SEMA4C: variants seen among roughly 807,000 people sequenced by gnomAD.
SEMA4C encodes semaphorin 4C.
A neutral mutation model predicts 89.0 loss-of-function variants in SEMA4C; 19 were observed. The observed-to-expected ratio is 0.21, with a 90% CI of 0.15 to 0.31. The LOEUF is 0.31. SEMA4C is among the 10% of genes least tolerant of loss of function. SEMA4C has a pLI of 1.00. For missense variants in SEMA4C, 811 were observed against 1,107.0 expected (o/e 0.73, Z 3.79); for synonymous variants, 428 against 472.7 (o/e 0.91, Z 1.23).
chr2:96,864,447 G>A lies in SEMA4C; in HGVS notation c.963-65C>T. 6.3e-7 allele frequency: 1 copy of A among 1,595,898 alleles called. No homozygotes were observed. Among genetic ancestry groups the A allele is most frequent in the Non-Finnish European group, 8.5e-7 (1 of 1,173,446 alleles). On this transcript the variant is annotated intron_variant, in intron 9 of 14. Transcript: ENST00000305476. The surrounding 1 kb of genome is among the most constrained non-coding windows in gnomAD (Gnocchi z 6.3). Reference sequence around the variant, plus strand: ...TTATCTCTTCCCACCCCAGCTAAGGGCAAGCAGCAGGAAGGCAGGGCCTGG... The same window carrying A: ...TTATCTCTTCCCACCCCAGCTAAGGACAAGCAGCAGGAAGGCAGGGCCTGG...
rs147678977 is a variant in SEMA4C at position 96,865,039 on chromosome 2, G to A, written c.711C>T (p.Phe237=). The change falls in exon 8 of 15, where the codon TTC becomes TTT. Residue 237 remains phenylalanine (F), a synonymous_variant. Transcript: ENST00000305476. ...SFTGDDDKVY[F]FFRERAVESD... is the part of the protein sequence containing the mutation. The stretch of plus-strand genomic sequence containing the variant: ...ACTCCACTGCCCGCTCCCTGAAGAA[G>A]AAGTAGACCTTGTCGTCGTCCCCCG... 7.5e-5 allele frequency: 117 copies of A among 1,557,306 alleles called. 1 individual carries two copies. In the South Asian group the frequency reaches 1.0e-3, roughly 13 times the overall value.
At position 96,865,763 on chromosome 2, in the gene SEMA4C, G is replaced by A; in HGVS notation, c.323C>T (p.Thr108Ile). The stretch of plus-strand genomic sequence containing the variant: ...GAAGCGGATGAAGTTGAAGCACTCG[G>A]TCTGGGGGCAGAAAGGTGTCCGGTT... ...ECIQKGKNNQTECFNFIRFLQ... is the reference protein window; with the variant it reads ...ECIQKGKNNQIECFNFIRFLQ... The change falls in exon 5 of 15, where the codon ACC becomes ATC. Residue 108 changes from threonine to isoleucine, a missense_variant and splice_region_variant. This residue lies in a region of SEMA4C where 119 missense variants were observed against 152.7 expected (regional missense o/e 0.78). Transcript: ENST00000305476. The A allele has an allele frequency of 1.2e-6, 2 of 1,614,162 alleles. No homozygotes were observed. The highest frequency in any genetic ancestry group is 1.7e-6 in the Non-Finnish European group (2 of 1,180,000).
At position 96,860,713 on chromosome 2, in the gene SEMA4C, G is replaced by C. The variant is rs1339589016; in HGVS notation, c.2415C>G (p.Pro805=). 12 of 1,613,628 alleles carry C rather than the reference G, an allele frequency of 7.4e-6. No individual in the cohort carries two copies. The highest frequency in any genetic ancestry group is 1.0e-5 in the Non-Finnish European group (12 of 1,179,998). Residue 805 remains proline (P), a synonymous_variant, in exon 15 of 15, where the codon CCC becomes CCG. Coordinates refer to ENST00000305476, the MANE Select transcript of SEMA4C (RefSeq NM_017789.5). ...TCAGTTCATCCGCGAGCTCAGGCAG[G>C]GGGTGCCCGAGCCCTCCCCGGTCCT... is the stretch of plus-strand genomic sequence containing the variant. ...GGEDRGGLGH[P]LPELADELRR...
chr2:96,866,396 C>G lies in SEMA4C; in HGVS notation c.145G>C (p.Gly49Arg), dbSNP rs771206886. 6.2e-7 allele frequency: 1 copy of G among 1,613,930 alleles called. No homozygotes were observed. The highest frequency in any genetic ancestry group is 8.5e-7 in the Non-Finnish European group (1 of 1,180,044). Residue 49 changes from glycine to arginine, a missense_variant, in exon 3 of 15, where the codon GGC (glycine) becomes CGC (arginine). Around this residue, in one of 4 missense-constraint regions of SEMA4C, gnomAD observed 119 missense variants for 152.7 expected, o/e 0.78. Coordinates refer to ENST00000305476, the MANE Select transcript of SEMA4C (RefSeq NM_017789.5). Reference sequence around the variant, plus strand: ...GTCAGTGTCAGGAAGTCCTGGATGCCGGTCTGGGAGAACCGCCGTACTACC... The same window carrying G: ...GTCAGTGTCAGGAAGTCCTGGATGCGGGTCTGGGAGAACCGCCGTACTACC... ...ATVVRRFSQTGIQDFLTLTLT... is the reference protein window; with the variant it reads ...ATVVRRFSQTRIQDFLTLTLT...
Position 96,865,773 on chromosome 2 carries a change from A to G in SEMA4C, c.322-9T>C. ...AAGTTGAAGCACTCGGTCTGGGGGC[A>G]GAAAGGTGTCCGGTTAGTGAGAGCG... On this transcript the variant is annotated splice_polypyrimidine_tract_variant and intron_variant, in intron 4 of 14. Transcript: ENST00000305476. 1 of 1,614,104 alleles carries G rather than the reference A, an allele frequency of 6.2e-7. No individual in the cohort carries two copies. The highest frequency in any genetic ancestry group is 1.1e-5 in the South Asian group (1 of 91,078).
chr2:96,863,484 G>A lies in SEMA4C; in HGVS notation c.1443+198C>T, dbSNP rs948184646. 5 of 909,564 alleles carry A rather than the reference G, an allele frequency of 5.5e-6. No homozygotes were observed. In the African/African-American group the frequency reaches 9.0e-5, roughly 16 times the overall value. The allele number at this position is 909,564 out of a possible 1,614,324, so 56.3% of individuals were successfully genotyped here. On this transcript the variant is annotated intron_variant, in intron 12 of 14. Transcript: ENST00000305476. ...ACCTGGCTATATATAATGGCCCTGT[G>A]CAGTGCAGATTCCATTCTGTTTTCA...
At position 96,860,998 on chromosome 2, in the gene SEMA4C, C is replaced by T. The variant is rs1416386265; in HGVS notation, c.2130G>A (p.Glu710=). ...GGGGACTGGTGGGCTCCTTGGGCAGCTCCAGGGGGTACACCAAGGTCCTCT... is the reference window on the plus strand; with the variant it reads ...GGGGACTGGTGGGCTCCTTGGGCAGTTCCAGGGGGTACACCAAGGTCCTCT... ...ATERTLVYPL[E]LPKEPTSPPF... Residue 710 remains glutamate, a synonymous_variant, in exon 15 of 15, where the codon GAG becomes GAA. Coordinates refer to ENST00000305476, the MANE Select transcript of SEMA4C (RefSeq NM_017789.5). 1.2e-6 allele frequency: 2 copies of T among 1,612,788 alleles called. No individual in the cohort carries two copies. Among genetic ancestry groups the T allele is most frequent in the Non-Finnish European group, 1.7e-6 (2 of 1,180,004 alleles).
chr2:96,868,209 A>G (rs754583548), intron 1 of SEMA4C, among the ~76,000 whole-genome samples: 18 of 152,232 alleles, frequency 1.2e-4, no homozygotes, highest in Non-Finnish European at 1.2e-4. Flanking sequence ...GCAACAGGAA[A>G]TCATTTGAGA....
Position 96,864,631 on chromosome 2 carries a change from G to T in SEMA4C, c.962+74C>A. 6.6e-7 allele frequency: 1 copy of T among 1,519,014 alleles called. No individual in the cohort carries two copies. The allele number at this position is 1,519,014 out of a possible 1,614,324, so 94.1% of individuals were successfully genotyped here. A position where few individuals can be genotyped will look rare whatever the true frequency, so the allele number is the denominator to read the frequency against. On this transcript the variant is annotated intron_variant, in intron 9 of 14. Coordinates refer to ENST00000305476, the MANE Select transcript of SEMA4C (RefSeq NM_017789.5). This position sits in a 1 kb window ranked among gnomAD's most constrained non-coding sequence, Gnocchi z 6.3. Reference sequence around the variant, plus strand: ...GGGACTGCCTCTGAGGCCTGGTCCAGGCTCCCACCCATGCACCGTCCCTGA... The same window carrying T: ...GGGACTGCCTCTGAGGCCTGGTCCATGCTCCCACCCATGCACCGTCCCTGA...
At chr2:96,870,174 G>A (rs1293539795), upstream of SEMA4C, 9 of 984,138 alleles carry the variant, frequency 9.1e-6, no homozygotes, top group East Asian at 8.0e-4. Flanking sequence ...TCGCTCAGGA[G>A]GGGGCTGCGA....
At position 96,865,259 on chromosome 2, in the gene SEMA4C, A is replaced by G; in HGVS notation, c.579T>C (p.Arg193=). ...TCATGGAGTGGTGGGGCCCCATGTT[A>G]CGCAGGATAATGGGTTCCGTGCCCA... is the stretch of plus-strand genomic sequence containing the variant. The part of the protein sequence containing the change: ...NFLGTEPIIL[R]NMGPHHSMKT... Residue 193 remains arginine (R), a synonymous_variant, in exon 7 of 15, where the codon CGT becomes CGC. Transcript: ENST00000305476. The G allele has an allele frequency of 6.2e-7, 1 of 1,614,152 alleles. No homozygotes were observed. Among genetic ancestry groups the G allele is most frequent in the Non-Finnish European group, 8.5e-7 (1 of 1,179,996 alleles).
Position 96,867,777 on chromosome 2 carries a change from C to T in SEMA4C, c.109+1G>A, listed in dbSNP as rs2080114549. The T allele has an allele frequency of 6.2e-7, 1 of 1,613,160 alleles. No homozygotes were observed. The highest frequency in any genetic ancestry group is 1.3e-5 in the African/African-American group (1 of 74,928). ...TCCTCCTCACCCCTCCAGGCACTCA[C>T]CCCCAGAAGACACTGTCTTACGCGG... On this transcript the variant is annotated splice_donor_variant, in intron 2 of 14. Coordinates refer to ENST00000305476, the MANE Select transcript of SEMA4C (RefSeq NM_017789.5). LOFTEE classifies it high-confidence loss of function.
In SEMA4C at chr2:96,869,943, C is replaced by A. The variant is rs2080169403; in HGVS notation, c.-105G>T. On this transcript the variant is annotated 5_prime_UTR_variant, in exon 1 of 15. Transcript: ENST00000305476. The stretch of plus-strand genomic sequence containing the variant: ...CGGCTCTGACCGCCGTCCACCCCTG[C>A]CCCCGCGTCGCCGCCTGCCCGCGCT... 14 of 986,954 alleles carry A rather than the reference C, an allele frequency of 1.4e-5. No homozygotes were observed. The South Asian group carries it at 5.0e-4, about 35-fold the overall frequency. The allele number at this position is 986,954 out of a possible 1,614,324, so 61.1% of individuals were successfully genotyped here. A position where few individuals can be genotyped will look rare whatever the true frequency, so the allele number is the denominator to read the frequency against.
At position 96,860,510 on chromosome 2, in the gene SEMA4C, C is replaced by A; in HGVS notation, c.*116G>T. 2.1e-6 allele frequency: 2 copies of A among 931,250 alleles called. No homozygotes were observed. The highest frequency in any genetic ancestry group is 3.2e-6 in the Non-Finnish European group (2 of 631,498). The allele number at this position is 931,250 out of a possible 1,614,324, so 57.7% of individuals were successfully genotyped here. On this transcript the variant is annotated 3_prime_UTR_variant, in exon 15 of 15. Coordinates refer to ENST00000305476, the MANE Select transcript of SEMA4C (RefSeq NM_017789.5). ...TCCTCATGGCCGGGTGGGTGCTGGG[C>A]AGTATCTGTCCCAGACAGAGCAGGT...
Position 96,859,948 on chromosome 2 carries a change from A to C in SEMA4C, c.*678T>G. ...TGTACAGGAAGAAGGCAAGTATAAAATACCACTGAACCCCGGGGCCAAGTG... is the reference window on the plus strand; with the variant it reads ...TGTACAGGAAGAAGGCAAGTATAAACTACCACTGAACCCCGGGGCCAAGTG... On this transcript the variant is annotated 3_prime_UTR_variant, in exon 15 of 15. Transcript: ENST00000305476. 1 of 151,864 alleles carries C rather than the reference A, an allele frequency of 6.6e-6. No individual in the cohort carries two copies. Among genetic ancestry groups the C allele is most frequent in the African/African-American group, 2.4e-5 (1 of 41,300 alleles). 9.4% of individuals were successfully genotyped at this position (151,864 alleles called of 1,614,324 possible). A position where few individuals can be genotyped will look rare whatever the true frequency, so the allele number is the denominator to read the frequency against.
At chr2:96,868,020 T>C in intron 1 of SEMA4C, 97 bp from the exon 2 acceptor site, 2 of 1,479,042 alleles carry the variant, frequency 1.4e-6, no homozygotes. Flanking sequence ...CATCAGGCCT[T>C]CCAGGAGCCC....
upstream of SEMA4C, chr2:96,870,453 C>T (rs2080177720): frequency 1.1e-6 from 1 of 919,688 alleles, no homozygotes; most frequent in Non-Finnish European, 1.3e-6. Context: ...CGTGCAGTTG[C>T]AGGAACGACC....
At chr2:96,870,182 C>T, upstream of SEMA4C, 1 of 984,380 alleles carries the variant, frequency 1.0e-6, no homozygotes, top group Non-Finnish European at 1.2e-6. Flanking sequence ...GAGGGGGCTG[C>T]GACCCGCAGC....
intron 2 of SEMA4C, among the ~76,000 whole-genome samples, chr2:96,867,430 T>C (rs191180055): frequency 2.1e-3 from 315 of 152,232 alleles, no homozygotes; most frequent in African/African-American, 7.2e-3. Flanking sequence ...GTAGGAGGTC[T>C]TAGGGGGGCC....
Sources: gnomAD v4.1 joint callset for allele counts (sites outside exome capture counted in the v4.1 genomes callset) on GRCh38, gnomAD v4.1.1 for gene constraint, gnomAD v4.1.1 regional missense constraint, Gnocchi (gnomAD v3.1) non-coding constraint, MANE v1.5 for transcripts, NCBI Gene and HGNC (gene_info 2026-07-23, HGNC 2026-07-21) for gene names.